Variants in MAGI2 observed in about 807,000 individuals in gnomAD.
The protein encoded by MAGI2 is membrane associated guanylate kinase, WW and PDZ domain containing 2, also known as membrane-associated guanylate kinase, WW and PDZ domain-containing protein 2.
A neutral mutation model predicts 133.3 loss-of-function variants in MAGI2; 35 were observed. The observed-to-expected ratio is 0.26, with a 90% confidence interval of 0.20 to 0.35. The LOEUF (loss-of-function observed/expected upper bound fraction) is 0.35, where lower values mean the gene tolerates loss of function less well. MAGI2 is among the 10% of genes least tolerant of loss of function. The probability of loss-of-function intolerance (pLI) is 1.00; values close to 1 mark genes in which losing one functional copy is unlikely to be tolerated. For synonymous variants in MAGI2, 729 were observed against 710.6 expected (o/e 1.03, Z -0.41); for missense variants, 1,636 against 1,863.4 (o/e 0.88, Z 2.25).
intron 6 of MAGI2, among the ~76,000 whole-genome samples, chr7:78,408,070 C>T (rs1797549503): frequency 6.6e-6 from 1 of 152,016 alleles, no homozygotes; most frequent in African/African-American, 2.4e-5. Context: ...ATTTGCAACT[C>T]CCTCCCTTCT....
At chr7:79,039,204 C>T (rs970014987) in intron 1 of MAGI2, among the ~76,000 whole-genome samples, 12 of 151,566 alleles carry the variant, frequency 7.9e-5, no homozygotes, top group Non-Finnish European at 8.8e-5. Flanking sequence ...TCCCCACCTT[C>T]GCTCTGCACT....
At chr7:79,210,596 T>A (rs1303093233) in intron 1 of MAGI2, among the ~76,000 whole-genome samples, 2 of 152,078 alleles carry the variant, frequency 1.3e-5, no homozygotes, top group East Asian at 3.9e-4. Flanking sequence ...TCAGTTGGAA[T>A]AGATATTTTT....
At chr7:79,263,829 T>C (rs1834248726) in intron 1 of MAGI2, among the ~76,000 whole-genome samples, 1 of 152,184 alleles carries the variant, frequency 6.6e-6, no homozygotes, top group African/African-American at 2.4e-5. Context: ...CCATATGAGA[T>C]GTAGGAAATT....
At chr7:78,737,248 G>T (rs1277011556) in intron 2 of MAGI2, among the ~76,000 whole-genome samples, 1 of 152,090 alleles carries the variant, frequency 6.6e-6, no homozygotes, top group African/African-American at 2.4e-5. Context: ...AATTAAAGAG[G>T]TAACTGTTAT....
intron 1 of MAGI2, among the ~76,000 whole-genome samples, chr7:79,025,288 G>A (rs1245879599): frequency 1.3e-5 from 2 of 152,124 alleles, no homozygotes; most frequent in Non-Finnish European, 2.9e-5. Flanking sequence ...ATGTATAAGT[G>A]GAGGCTAAAC....
intron 1 of MAGI2, among the ~76,000 whole-genome samples, chr7:79,422,140 A>G (rs940447048): frequency 2.6e-4 from 39 of 152,226 alleles, no homozygotes; most frequent in South Asian, 6.2e-4. Flanking sequence ...ACACAACCAT[A>G]GTATTAGTCG....
intron 15 of MAGI2, among the ~76,000 whole-genome samples, chr7:78,163,689 G>A (rs976960294): frequency 3.3e-5 from 5 of 151,868 alleles, no homozygotes; most frequent in African/African-American, 4.8e-5. Flanking sequence ...GGCGGATCAC[G>A]AGGTCAGGAG....
At chr7:78,995,826 C>T (rs561945642) in intron 2 of MAGI2, among the ~76,000 whole-genome samples, 8 of 152,090 alleles carry the variant, frequency 5.3e-5, no homozygotes, top group South Asian at 2.1e-4. Flanking sequence ...TCATGTAGTG[C>T]GAACTGGAAG....
chr7:78,057,060 T>TTATATATATATA (rs59064919), intron 21 of MAGI2, among the ~76,000 whole-genome samples: 1 of 145,912 alleles, frequency 6.9e-6, no homozygotes, highest in African/African-American at 2.5e-5. Context: ...TATATATAAA[T>TTATATATATATA]TATATATATA....
intron 9 of MAGI2, among the ~76,000 whole-genome samples, chr7:78,300,743 C>A (rs2151071916): frequency 6.6e-6 from 1 of 152,274 alleles, no homozygotes; most frequent in East Asian, 1.9e-4. Context: ...CATGGAAATC[C>A]TATAAATCTG....
chr7:79,442,451 A>AGTGTGTGTGT (rs3028947), intron 1 of MAGI2, among the ~76,000 whole-genome samples: 5,894 of 145,144 alleles, frequency 0.041, 127 homozygotes, highest in African/African-American at 0.052. Context: ...GTGTTTGAAG[A>AGTGTGTGTGT]GTGTGTGTGT....
At chr7:78,409,673 A>G (rs530089655) in intron 6 of MAGI2, among the ~76,000 whole-genome samples, 1 of 152,164 alleles carries the variant, frequency 6.6e-6, no homozygotes, top group East Asian at 1.9e-4. Flanking sequence ...CATTTTTGAT[A>G]TTTGTTAAAT....
intron 2 of MAGI2, among the ~76,000 whole-genome samples, chr7:78,985,843 T>C (rs1046987419): frequency 1.3e-5 from 2 of 152,082 alleles, no homozygotes; most frequent in Non-Finnish European, 2.9e-5. Context: ...TTTCTGGATA[T>C]GTATTTGCCT....
chr7:79,290,914 C>A (rs1322765552), intron 1 of MAGI2, among the ~76,000 whole-genome samples: 2 of 152,084 alleles, frequency 1.3e-5, no homozygotes, highest in Non-Finnish European at 2.9e-5. Context: ...ATTTGCATTA[C>A]TAATCGCGGG....
chr7:78,710,161 A>C (rs1428327760), intron 2 of MAGI2, among the ~76,000 whole-genome samples: 1 of 152,188 alleles, frequency 6.6e-6, no homozygotes, highest in Non-Finnish European at 1.5e-5. Flanking sequence ...TACATATTAC[A>C]TTATTTAATC....
chr7:78,555,203 T>TGG (rs1563162843), intron 3 of MAGI2, among the ~76,000 whole-genome samples: 4 of 113,510 alleles, frequency 3.5e-5, no homozygotes, highest in African/African-American at 1.6e-4. Flanking sequence ...GATGGATGGA[T>TGG]AGATAGATAG....
At chr7:78,931,021 G>A (rs979216818) in intron 2 of MAGI2, among the ~76,000 whole-genome samples, 1 of 152,044 alleles carries the variant, frequency 6.6e-6, no homozygotes, top group Non-Finnish European at 1.5e-5. Flanking sequence ...GATAGGAGTA[G>A]AAGAAAAAAA....
intron 9 of MAGI2, among the ~76,000 whole-genome samples, chr7:78,319,589 GAC>G (rs1265469512): frequency 6.6e-6 from 1 of 152,204 alleles, no homozygotes; most frequent in Non-Finnish European, 1.5e-5. Flanking sequence ...TGAGAACAAA[GAC>G]ACAACATAAC....
chr7:79,339,673 T>A (rs1374481244), intron 1 of MAGI2, among the ~76,000 whole-genome samples: 1 of 152,200 alleles, frequency 6.6e-6, no homozygotes, highest in Non-Finnish European at 1.5e-5. Context: ...CATCCTTGAT[T>A]GGCTGAAGTT....
Sources: gnomAD v4.1 joint callset for allele counts (sites outside exome capture counted in the v4.1 genomes callset) on GRCh38, gnomAD v4.1.1 for gene constraint, MANE v1.5 for transcripts, NCBI Gene and HGNC (gene_info 2026-07-23, HGNC 2026-07-21) for gene names.